The following IGF2R variants were observed in gnomAD, a reference collection of about 807,000 sequenced individuals.
IGF2R encodes cation-independent mannose-6-phosphate receptor.
A neutral mutation model predicts 270.6 loss-of-function variants in IGF2R; 91 were observed. The ratio of observed to expected loss-of-function variants is 0.34; its 90% CI spans 0.28 to 0.40. The LOEUF is 0.40. IGF2R is among the 10% of genes least tolerant of loss of function. The pLI, the probability that IGF2R is intolerant of heterozygous loss-of-function variation, is 1.00. For synonymous variants in IGF2R, 1,316 were observed against 1,258.9 expected, an observed-to-expected ratio of 1.05 and a Z score of -0.96; for missense variants, 2,805 against 3,188.3, an observed-to-expected ratio of 0.88 and a Z score of 2.90.
At position 160,080,359 on chromosome 6, in the gene IGF2R, G is replaced by T. The variant is rs139825239; in HGVS notation, c.5833+84G>T. 191 of 1,324,964 alleles carry T rather than the reference G, an allele frequency of 1.4e-4. 1 individual carries two copies. In the African/African-American group the frequency reaches 2.5e-3, roughly 18 times the overall value. 82.1% of individuals were successfully genotyped at this position (1,324,964 alleles called of 1,614,324 possible). A position where few individuals can be genotyped will look rare whatever the true frequency, so the allele number is the denominator to read the frequency against. On this transcript the variant is annotated intron_variant, in intron 39 of 47. Coordinates refer to ENST00000356956, the MANE Select transcript of IGF2R (RefSeq NM_000876.4). ...GATTCACACTGAGACCTTTGTGGAT[G>T]CCCCAGTCAGTGGCAGGAATTCTCT...
In IGF2R at chr6:160,107,777, G is replaced by A. The variant is rs1254385234; in HGVS notation, c.*2693G>A. 4.6e-5 allele frequency: 7 copies of A among 152,176 alleles called. No individual in the cohort carries two copies. In the East Asian group the frequency reaches 7.7e-4, roughly 17 times the overall value. The allele number at this position is 152,176 out of a possible 1,614,324, so 9.4% of individuals were successfully genotyped here. A position where few individuals can be genotyped will look rare whatever the true frequency, so the allele number is the denominator to read the frequency against. The stretch of plus-strand genomic sequence containing the variant: ...TACTTCACCAACCCTAAAATAATAC[G>A]TAACACGAGATGATTCCTCAGGAAG... On this transcript the variant is annotated 3_prime_UTR_variant, in exon 48 of 48. Transcript: ENST00000356956.
intron 3 of IGF2R, 157 bp from the exon 4 acceptor site, chr6:160,010,530 C>T (rs892266292): frequency 5.7e-6 from 3 of 529,994 alleles, no homozygotes; most frequent in African/African-American, 1.9e-5. Context: ...GATTTGGGAA[C>T]CTCTTGATGA....
At chr6:159,981,605 G>T (rs1397014525) in intron 1 of IGF2R, among the ~76,000 whole-genome samples, 5 of 152,218 alleles carry the variant, frequency 3.3e-5, no homozygotes, top group African/African-American at 1.2e-4. Flanking sequence ...TCCTGGTGGT[G>T]GTTTTCTCCT....
At chr6:160,032,475 T>C in intron 7 of IGF2R, 76 bp from the exon 8 acceptor site, 1 of 1,390,898 alleles carries the variant, frequency 7.2e-7, no homozygotes, top group South Asian at 1.3e-5. Flanking sequence ...CTTTGAGCTT[T>C]TCATAAGTGT....
intron 6 of IGF2R, 93 bp from the exon 7 acceptor site, chr6:160,029,457 C>A (rs531455477): frequency 4.6e-5 from 33 of 713,810 alleles, no homozygotes; most frequent in Middle Eastern, 2.4e-4. Context: ...TCTCCTCCCC[C>A]CCAAGTGAAT....
chr6:160,084,206 C>A lies in IGF2R; in HGVS notation c.6068+22C>A. The A allele has an allele frequency of 7.0e-7, 1 of 1,436,388 alleles. No individual in the cohort carries two copies. Among genetic ancestry groups the A allele is most frequent in the Non-Finnish European group, 9.8e-7 (1 of 1,018,766 alleles). 89.0% of individuals were successfully genotyped at this position (1,436,388 alleles called of 1,614,324 possible). A position where few individuals can be genotyped will look rare whatever the true frequency, so the allele number is the denominator to read the frequency against. ...TCTCGTGAGTGCCTTCCCAGTCCACCCGCGGCGCCACACCCTCAGCATGTG... is the reference window on the plus strand; with the variant it reads ...TCTCGTGAGTGCCTTCCCAGTCCACACGCGGCGCCACACCCTCAGCATGTG... On this transcript the variant is annotated intron_variant, in intron 40 of 47. Transcript: ENST00000356956. The surrounding 1 kb of genome is among the most constrained non-coding windows in gnomAD (Gnocchi z 4.6).
intron 6 of IGF2R, among the ~76,000 whole-genome samples, chr6:160,028,255 C>T (rs1026463248): frequency 3.3e-5 from 5 of 152,176 alleles, no homozygotes; most frequent in South Asian, 2.1e-4. Context: ...CTTCCCTCTG[C>T]GGGGGTCTGT....
chr6:160,098,210 T>C (rs1046916779), intron 45 of IGF2R, among the ~76,000 whole-genome samples: 2 of 152,102 alleles, frequency 1.3e-5, no homozygotes, highest in East Asian at 3.9e-4. Context: ...ATGTTGAATG[T>C]TTAGAGTTCG....
At chr6:160,040,190 T>A (rs1343597415) in intron 10 of IGF2R, among the ~76,000 whole-genome samples, 1 of 152,170 alleles carries the variant, frequency 6.6e-6, no homozygotes, top group Non-Finnish European at 1.5e-5. Context: ...GTCCCCAGTG[T>A]CACCCAGAGA....
chr6:160,108,429 G>A lies in IGF2R; in HGVS notation c.*3345G>A, dbSNP rs1220254306. 6.6e-6 allele frequency: 1 copy of A among 152,282 alleles called. No homozygotes were observed. Among genetic ancestry groups the A allele is most frequent in the African/African-American group, 2.4e-5 (1 of 41,442 alleles). The allele number at this position is 152,282 out of a possible 1,614,324, so 9.4% of individuals were successfully genotyped here. A position where few individuals can be genotyped will look rare whatever the true frequency, so the allele number is the denominator to read the frequency against. ...AGTTTGAAGTCCTGAAAGCAGTTGA[G>A]AGCTGTAGGAGGGCCAGATTGGGCT... is the stretch of plus-strand genomic sequence containing the variant. On this transcript the variant is annotated 3_prime_UTR_variant, in exon 48 of 48. Transcript: ENST00000356956.
chr6:159,982,854 A>T (rs1308240732), intron 1 of IGF2R, among the ~76,000 whole-genome samples: 1 of 152,208 alleles, frequency 6.6e-6, no homozygotes, highest in East Asian at 1.9e-4. Context: ...TAAGAGATTG[A>T]GCATACCATA....
intron 2 of IGF2R, chr6:160,007,650 A>G (rs1231063276): frequency 3.9e-5 from 6 of 152,128 alleles, no homozygotes; most frequent in Non-Finnish European, 1.5e-5. Flanking sequence ...CCTTTCCAGC[A>G]TGGTGTGTGC....
At position 160,009,017 on chromosome 6, in the gene IGF2R, T is replaced by C; in HGVS notation, c.297T>C (p.Ser99=). 6.2e-7 allele frequency: 1 copy of C among 1,614,086 alleles called. No homozygotes were observed. The highest frequency in any genetic ancestry group is 1.1e-5 in the South Asian group (1 of 91,074). The change falls in exon 3 of 48, where the codon TCT becomes TCC. Residue 99 remains serine (S), a synonymous_variant. Coordinates refer to ENST00000356956, the MANE Select transcript of IGF2R (RefSeq NM_000876.4). The part of the protein sequence containing the change: ...KTRTYHSVGD[S]VLRSATRSLL... ...TCTTTTCTCTCCAAATAGGTGACTC[T>C]GTTTTGAGAAGTGCAACCAGATCTC... is the stretch of plus-strand genomic sequence containing the variant.
At chr6:160,023,126 A>G (rs1314542778) in intron 4 of IGF2R, among the ~76,000 whole-genome samples, 1 of 152,124 alleles carries the variant, frequency 6.6e-6, no homozygotes, top group Non-Finnish European at 1.5e-5. Flanking sequence ...AGGGCACTGA[A>G]GCTGGAATTG....
At chr6:160,026,818 C>A (rs1777570190) in intron 5 of IGF2R, among the ~76,000 whole-genome samples, 1 of 152,212 alleles carries the variant, frequency 6.6e-6, no homozygotes, top group Admixed American at 6.5e-5. Context: ...TGGGTTCTTT[C>A]CCTAATCTCC....
chr6:160,044,451 T>C, intron 12 of IGF2R, 63 bp from the exon 13 acceptor site: 2 of 1,245,510 alleles, frequency 1.6e-6, no homozygotes, highest in Non-Finnish European at 2.3e-6. Context: ...TTAAGTCACT[T>C]CTTTGTCTGC....
Position 160,078,273 on chromosome 6 carries a change from G to A in IGF2R, c.5389G>A (p.Asp1797Asn). 6.2e-7 allele frequency: 1 copy of A among 1,614,178 alleles called. No homozygotes were observed. The highest frequency in any genetic ancestry group is 8.5e-7 in the Non-Finnish European group (1 of 1,179,990). ...ATGGGAGACTCCTGTCGTCTGTCCT[G>A]ATGAAGTGAGGATGGATGGCTGTAC... ...FEWETPVVCPDEVRMDGCTLT... is the reference protein window; with the variant it reads ...FEWETPVVCPNEVRMDGCTLT... Residue 1797 changes from aspartate to asparagine, a missense_variant, in exon 37 of 48, where the codon GAT (aspartate) becomes AAT (asparagine). This residue lies in a region of IGF2R where 1,851 missense variants were observed against 2,207.2 expected (regional missense o/e 0.84). Coordinates refer to ENST00000356956, the MANE Select transcript of IGF2R (RefSeq NM_000876.4).
intron 1 of IGF2R, among the ~76,000 whole-genome samples, chr6:159,972,133 C>T (rs1352274069): frequency 6.6e-6 from 1 of 151,780 alleles, no homozygotes; most frequent in African/African-American, 2.4e-5. Flanking sequence ...TAATTTGATA[C>T]AAAAAATTTT....
At chr6:160,078,535 G>T (rs1778904839) in intron 37 of IGF2R, among the ~76,000 whole-genome samples, 173 bp downstream of exon 37, 1 of 152,214 alleles carries the variant, frequency 6.6e-6, no homozygotes, top group Non-Finnish European at 1.5e-5. Context: ...GAAGGTTCTT[G>T]GATTGCGTGG....
Sources: gnomAD v4.1 joint callset for allele counts (sites outside exome capture counted in the v4.1 genomes callset) on GRCh38, gnomAD v4.1.1 for gene constraint, gnomAD v4.1.1 regional missense constraint, Gnocchi (gnomAD v3.1) non-coding constraint, MANE v1.5 for transcripts, NCBI Gene and HGNC (gene_info 2026-07-23, HGNC 2026-07-21) for gene names.